The following STPG2 variants were observed in gnomAD, a reference collection of about 807,000 sequenced individuals.
The protein encoded by STPG2 is sperm-tail PG-rich repeat-containing protein 2.
A neutral mutation model predicts 54.2 loss-of-function variants in STPG2; 56 were observed. The ratio of observed to expected loss-of-function variants is 1.03; its 90% CI spans 0.83 to 1.29. The LOEUF (loss-of-function observed/expected upper bound fraction) is 1.29. Ranked by LOEUF, STPG2 falls within the 50% of genes most tolerant of loss-of-function variation. The pLI, the probability that STPG2 is intolerant of heterozygous loss-of-function variation, is 0.00. For synonymous variants in STPG2, 200 were observed against 181.8 expected (o/e 1.10, Z -0.81); for missense variants, 596 against 544.9 (o/e 1.09, Z -0.93).
intron 4 of STPG2, among the ~76,000 whole-genome samples, chr4:97,483,185 A>G (rs536097945): frequency 6.6e-6 from 1 of 151,764 alleles, no homozygotes; most frequent in African/African-American, 2.4e-5. Flanking sequence ...ACCAAGGTAC[A>G]CAGGCAACAA....
At chr4:98,140,739 A>G (rs1740258388) in intron 1 of STPG2, among the ~76,000 whole-genome samples, 1 of 152,210 alleles carries the variant, frequency 6.6e-6, no homozygotes, top group African/African-American at 2.4e-5. Flanking sequence ...AAAACTTCAG[A>G]TACCGGAGAC....
intron 4 of STPG2, among the ~76,000 whole-genome samples, chr4:97,468,038 CAATT>C (rs951265466): frequency 2.6e-5 from 4 of 151,868 alleles, no homozygotes; most frequent in African/African-American, 9.7e-5. Context: ...TCCTCATAAA[CAATT>C]AATCCAGTGA....
chr4:97,642,696 AC>A (rs1337298779), intron 10 of STPG2, among the ~76,000 whole-genome samples: 1 of 151,542 alleles, frequency 6.6e-6, no homozygotes. Flanking sequence ...TAAACAATTC[AC>A]GTAGGCACAA....
chr4:98,014,000 G>T (rs878969708), intron 5 of STPG2, among the ~76,000 whole-genome samples: 1 of 151,734 alleles, frequency 6.6e-6, no homozygotes, highest in Non-Finnish European at 1.5e-5. Flanking sequence ...GTTATTTCTT[G>T]TCTTCTGCTA....
At chr4:97,732,934 C>T (rs1425849438) in intron 9 of STPG2, among the ~76,000 whole-genome samples, 1 of 151,950 alleles carries the variant, frequency 6.6e-6, no homozygotes, top group Non-Finnish European at 1.5e-5. Context: ...TAACAAAAAC[C>T]ATAGATGTTG....
At chr4:97,779,840 A>G (rs1469463050) in intron 9 of STPG2, among the ~76,000 whole-genome samples, 1 of 152,182 alleles carries the variant, frequency 6.6e-6, no homozygotes, top group Non-Finnish European at 1.5e-5. Flanking sequence ...TAAGCTTCAT[A>G]AGTGAAGGAG....
chr4:97,705,364 T>C (rs56044506), intron 10 of STPG2, among the ~76,000 whole-genome samples: 89,052 of 151,336 alleles, frequency 0.59, 26,534 homozygotes, highest in South Asian at 0.68. Flanking sequence ...CTCACTCTGT[T>C]ACCCAGGCTG....
intron 8 of STPG2, among the ~76,000 whole-genome samples, chr4:97,938,201 A>G (rs1487513466): frequency 1.3e-5 from 2 of 152,124 alleles, no homozygotes; most frequent in African/African-American, 4.8e-5. Flanking sequence ...CGCTGTGGGG[A>G]ATATCTCCTG....
At chr4:98,005,727 T>G (rs1397439431) in intron 5 of STPG2, among the ~76,000 whole-genome samples, 1 of 152,206 alleles carries the variant, frequency 6.6e-6, no homozygotes, top group Non-Finnish European at 1.5e-5. Flanking sequence ...TCCCACTTGT[T>G]CATTGTGAAT....
chr4:97,715,651 T>A (rs1161725920), intron 9 of STPG2, among the ~76,000 whole-genome samples: 1 of 152,170 alleles, frequency 6.6e-6, no homozygotes, highest in Non-Finnish European at 1.5e-5. Context: ...ATAAATAATG[T>A]AATCATTCTT....
intron 8 of STPG2, among the ~76,000 whole-genome samples, chr4:97,864,116 A>G (rs907312432): frequency 6.6e-6 from 1 of 152,076 alleles, no homozygotes; most frequent in Non-Finnish European, 1.5e-5. Context: ...GGCAGGAGAA[A>G]GAAATAAAGG....
chr4:97,721,205 T>C (rs886420224), intron 9 of STPG2, among the ~76,000 whole-genome samples: 3 of 152,226 alleles, frequency 2.0e-5, no homozygotes, highest in Middle Eastern at 3.4e-3. Flanking sequence ...AACGAATTGC[T>C]CAAAAAGAAC....
At chr4:97,448,642 G>A (rs1430807536) in intron 4 of STPG2, among the ~76,000 whole-genome samples, 2 of 152,118 alleles carry the variant, frequency 1.3e-5, no homozygotes, top group Non-Finnish European at 2.9e-5. Context: ...GACCTCCCCA[G>A]TCATGTGAAA....
intron 10 of STPG2, among the ~76,000 whole-genome samples, chr4:97,585,112 A>AC (rs1323009688): frequency 1.4e-5 from 2 of 147,294 alleles, no homozygotes; most frequent in Non-Finnish European, 3.0e-5. Context: ...AAAAAAAAAA[A>AC]AAAAAAAAAA....
chr4:97,710,040 A>G (rs955609294), intron 10 of STPG2, among the ~76,000 whole-genome samples: 4 of 152,114 alleles, frequency 2.6e-5, no homozygotes, highest in African/African-American at 9.6e-5. Flanking sequence ...CATGAAGCTC[A>G]TAATGTAATA....
chr4:98,108,600 T>G (rs1739253767), intron 4 of STPG2, among the ~76,000 whole-genome samples: 1 of 152,134 alleles, frequency 6.6e-6, no homozygotes, highest in African/African-American at 2.4e-5. Context: ...TTTTACATTT[T>G]CTCTGATCTT....
intron 10 of STPG2, among the ~76,000 whole-genome samples, chr4:97,563,170 G>T (rs1329135821): frequency 6.6e-6 from 1 of 152,104 alleles, no homozygotes; most frequent in Non-Finnish European, 1.5e-5. Context: ...TTTAGTCTTG[G>T]GAGGGTGTAT....
At chr4:97,857,158 T>C (rs1729363997) in intron 8 of STPG2, among the ~76,000 whole-genome samples, 1 of 152,212 alleles carries the variant, frequency 6.6e-6, no homozygotes, top group Admixed American at 6.5e-5. Flanking sequence ...GATATCAGGA[T>C]GGTTCTGGCC....
intron 10 of STPG2, among the ~76,000 whole-genome samples, chr4:97,573,547 TTATAA>T (rs1379882693): frequency 1.3e-5 from 2 of 151,872 alleles, no homozygotes; most frequent in Non-Finnish European, 2.9e-5. Context: ...TCATTTTAAA[TTATAA>T]TATAAAAAAT....
Sources: gnomAD v4.1 joint callset for allele counts (sites outside exome capture counted in the v4.1 genomes callset) on GRCh38, gnomAD v4.1.1 for gene constraint, MANE v1.5 for transcripts, NCBI Gene and HGNC (gene_info 2026-07-23, HGNC 2026-07-21) for gene names.